Variants in JAZF1 observed in about 807,000 individuals in gnomAD.
JAZF1 encodes JAZF zinc finger 1, also known as juxtaposed with another zinc finger protein 1.
JAZF1 carries 8 observed loss-of-function variants against 26.4 expected under a neutral mutation model. That is an observed-to-expected ratio of 0.30 (90% CI 0.18 to 0.55). The LOEUF is 0.55. Ranked by LOEUF, JAZF1 falls within the 20% of genes least tolerant of loss-of-function variation. The probability of loss-of-function intolerance (pLI) is 0.94; values close to 1 mark genes in which losing one functional copy is unlikely to be tolerated. For synonymous variants in JAZF1, 126 were observed against 122.3 expected (o/e 1.03, Z -0.20); for missense variants, 199 against 322.0 (o/e 0.62, Z 2.92).
chr7:27,973,457 C>T (rs1475048344), intron 2 of JAZF1, among the ~76,000 whole-genome samples: 1 of 151,994 alleles, frequency 6.6e-6, no homozygotes, highest in African/African-American at 2.4e-5. Flanking sequence ...GCCTCCATGC[C>T]CAGCTAATTT....
chr7:28,178,662 A>G (rs1783584276), intron 1 of JAZF1, among the ~76,000 whole-genome samples: 1 of 152,226 alleles, frequency 6.6e-6, no homozygotes, highest in Admixed American at 6.5e-5. Context: ...ACTAGCCATC[A>G]TGAAAAATCT....
intron 1 of JAZF1, among the ~76,000 whole-genome samples, chr7:28,106,636 C>G (rs73072539): frequency 0.093 from 14,099 of 152,172 alleles, 861 homozygotes; most frequent in South Asian, 0.21. Flanking sequence ...CCCTCCACTG[C>G]AAAGGAGATG....
chr7:27,943,699 G>A (rs1301181327), intron 2 of JAZF1, among the ~76,000 whole-genome samples: 1 of 152,110 alleles, frequency 6.6e-6, no homozygotes. Flanking sequence ...ATGAGCATTC[G>A]CTGCTTTCCC....
intron 1 of JAZF1, among the ~76,000 whole-genome samples, chr7:28,175,547 T>C (rs932993984): frequency 7.2e-5 from 11 of 152,198 alleles, no homozygotes; most frequent in Non-Finnish European, 1.6e-4. Context: ...AGAGGAGGCA[T>C]AGTACGGTTA....
At chr7:27,906,771 C>T (rs887347884) in intron 2 of JAZF1, among the ~76,000 whole-genome samples, 11 of 152,342 alleles carry the variant, frequency 7.2e-5, no homozygotes, top group Admixed American at 3.3e-4. Context: ...TCCTCCTTTC[C>T]GTTCCTTTTC....
At chr7:27,885,577 GGC>G (rs1258084901) in intron 3 of JAZF1, among the ~76,000 whole-genome samples, 1 of 152,146 alleles carries the variant, frequency 6.6e-6, no homozygotes, top group African/African-American at 2.4e-5. Context: ...TCAGACACAT[GGC>G]TTGCAAATAT....
intron 2 of JAZF1, among the ~76,000 whole-genome samples, chr7:27,981,150 C>G (rs1785576199): frequency 6.6e-6 from 1 of 152,184 alleles, no homozygotes; most frequent in African/African-American, 2.4e-5. Flanking sequence ...CTACTTCTCT[C>G]CCAGCTAGGA....
chr7:28,165,809 A>C (rs1783359232), intron 1 of JAZF1, among the ~76,000 whole-genome samples: 2 of 152,078 alleles, frequency 1.3e-5, no homozygotes, highest in South Asian at 4.2e-4. Flanking sequence ...ATTTTTCTTC[A>C]CAAGGTTATG....
At chr7:28,118,088 GTTTC>G (rs1465907983) in intron 1 of JAZF1, 1 of 152,272 alleles carries the variant, frequency 6.6e-6, no homozygotes, top group Admixed American at 6.5e-5. Flanking sequence ...GGTAAATGAC[GTTTC>G]TTTGAGTGTT....
chr7:27,973,138 G>T (rs1785409239), intron 2 of JAZF1, among the ~76,000 whole-genome samples: 1 of 152,182 alleles, frequency 6.6e-6, no homozygotes, highest in South Asian at 2.1e-4. Flanking sequence ...AGGGAGAGAG[G>T]AGAGAAGCTA....
chr7:27,854,294 T>G (rs1783204502), intron 3 of JAZF1, among the ~76,000 whole-genome samples: 1 of 152,244 alleles, frequency 6.6e-6, no homozygotes, highest in Non-Finnish European at 1.5e-5. Flanking sequence ...CCGAATACAG[T>G]ACACCAATGA....
chr7:27,994,441 C>CAAA (rs781162884), intron 1 of JAZF1, among the ~76,000 whole-genome samples: 1 of 74,322 alleles, frequency 1.3e-5, no homozygotes, highest in African/African-American at 3.3e-5. Context: ...CTCTCCATCA[C>CAAA]AAAAAAAAAA....
intron 2 of JAZF1, chr7:27,914,786 A>C (rs1403896443): frequency 2.1e-6 from 1 of 470,882 alleles, no homozygotes; most frequent in Admixed American, 2.4e-5. Context: ...TTCAGCCTTG[A>C]CTCCATCTGA....
rs902943408 is a variant in JAZF1 at position 28,023,925 on chromosome 7, A to G, written c.116-31944T>C. Among the ~76,000 whole-genome samples the G allele has an allele frequency of 2.6e-5, 4 of 152,208 alleles. No homozygotes were observed. The East Asian group carries it at 7.7e-4, about 29-fold the overall frequency. On this transcript the variant is annotated intron_variant, in intron 1 of 4. Transcript: ENST00000283928. Reference sequence around the variant, plus strand: ...TTAACCTACACTTGGAAAATTAGGAAAGCTTCTTAGAATAGATAACATTTA... The same window carrying G: ...TTAACCTACACTTGGAAAATTAGGAGAGCTTCTTAGAATAGATAACATTTA...
chr7:27,991,127 C>T (rs1430010854), intron 2 of JAZF1, among the ~76,000 whole-genome samples: 1 of 152,116 alleles, frequency 6.6e-6, no homozygotes, highest in Non-Finnish European at 1.5e-5. Context: ...AACTCTGGTA[C>T]CAAGAGACTA....
intron 2 of JAZF1, among the ~76,000 whole-genome samples, chr7:27,974,836 T>C (rs956239829): frequency 1.3e-5 from 2 of 151,790 alleles, no homozygotes; most frequent in African/African-American, 4.8e-5. Context: ...TTCTGCAGGC[T>C]GTGTAAGTAT....
chr7:28,002,388 C>A (rs909486429), intron 1 of JAZF1, among the ~76,000 whole-genome samples: 1 of 152,178 alleles, frequency 6.6e-6, no homozygotes, highest in Non-Finnish European at 1.5e-5. Context: ...GTACCCGAGT[C>A]TCCAAGGCTT....
chr7:27,955,237 T>C lies in JAZF1; in HGVS notation c.188+36672A>G, dbSNP rs563029258. 2.0e-5 allele frequency among the ~76,000 whole-genome samples: 3 copies of C among 152,356 alleles called. No individual in the cohort carries two copies. In the South Asian group the frequency reaches 6.2e-4, roughly 32 times the overall value. ...AAAAAGTGGTCATAAATGAAACACATCCTTTGTAGCTCATATGAAAAGGAT... is the reference window on the plus strand; with the variant it reads ...AAAAAGTGGTCATAAATGAAACACACCCTTTGTAGCTCATATGAAAAGGAT... On this transcript the variant is annotated intron_variant, in intron 2 of 4. Transcript: ENST00000283928.
At chr7:27,996,632 T>C (rs6972785) in intron 1 of JAZF1, among the ~76,000 whole-genome samples, 2,265 of 152,306 alleles carry the variant, frequency 0.015, 60 homozygotes, top group African/African-American at 0.052. Flanking sequence ...GTAGACTTTG[T>C]TCAGCACAGC....
Sources: gnomAD v4.1 joint callset for allele counts (sites outside exome capture counted in the v4.1 genomes callset) on GRCh38, gnomAD v4.1.1 for gene constraint, MANE v1.5 for transcripts, NCBI Gene and HGNC (gene_info 2026-07-23, HGNC 2026-07-21) for gene names.